TNNI3K: variants seen among roughly 807,000 people sequenced by gnomAD.
TNNI3K encodes the protein TNNI3 interacting kinase, also known as serine/threonine-protein kinase TNNI3K.
In TNNI3K, 140 loss-of-function variants were observed where a neutral mutation model predicts 114.5. That is an observed-to-expected ratio of 1.22 (90% CI 1.07 to 1.41). TNNI3K has a LOEUF of 1.41. TNNI3K is among the 40% of genes most tolerant of loss of function. The probability of loss-of-function intolerance (pLI) is 0.00; values close to 1 mark genes in which losing one functional copy is unlikely to be tolerated. For missense variants in TNNI3K, 1,125 were observed against 1,007.6 expected, an observed-to-expected ratio of 1.12 and a Z score of -1.58; for synonymous variants, 347 against 347.5, an observed-to-expected ratio of 1.00 and a Z score of 0.02.
intron 4 of TNNI3K, among the ~76,000 whole-genome samples, chr1:74,252,674 A>G (rs939539188): frequency 2.0e-5 from 3 of 151,158 alleles, no homozygotes; most frequent in Non-Finnish European, 4.4e-5. Context: ...GAAGCTGCAG[A>G]CCCTCGCAGT....
At chr1:74,403,681 G>A (rs947576000) in intron 17 of TNNI3K, among the ~76,000 whole-genome samples, 2 of 152,018 alleles carry the variant, frequency 1.3e-5, no homozygotes, top group Non-Finnish European at 2.9e-5. Flanking sequence ...ATTTGTATTT[G>A]GGGACACACC....
intron 11 of TNNI3K, among the ~76,000 whole-genome samples, chr1:74,363,145 A>T (rs1662060437): frequency 6.6e-6 from 1 of 152,052 alleles, no homozygotes; most frequent in Non-Finnish European, 1.5e-5. Flanking sequence ...TTGGCTTAAC[A>T]CGTCCATTTA....
At position 74,367,236 on chromosome 1, in the gene TNNI3K, C is replaced by T; in HGVS notation, c.1178-20C>T. 6.2e-7 allele frequency: 1 copy of T among 1,608,062 alleles called. No individual in the cohort carries two copies. The highest frequency in any genetic ancestry group is 8.5e-7 in the Non-Finnish European group (1 of 1,177,272). ...TAAACAAAATTTAGGACTCTTTGTT[C>T]TTTGTATCTTTTCATAAAGGGCATG... On this transcript the variant is annotated intron_variant, in intron 11 of 24. Coordinates refer to ENST00000326637, the MANE Select transcript of TNNI3K (RefSeq NM_015978.3).
At chr1:74,261,181 G>T (rs1035812835) in intron 4 of TNNI3K, among the ~76,000 whole-genome samples, 2 of 151,930 alleles carry the variant, frequency 1.3e-5, no homozygotes, top group Non-Finnish European at 1.5e-5. Flanking sequence ...TTCAGTTGAA[G>T]TGTCTATTCA....
intron 5 of TNNI3K, among the ~76,000 whole-genome samples, chr1:74,303,396 C>T (rs1658446214): frequency 6.6e-6 from 1 of 152,038 alleles, no homozygotes; most frequent in South Asian, 2.1e-4. Context: ...AACTCCTGAC[C>T]TCATGTGATC....
chr1:74,404,588 G>T (rs192627692), intron 17 of TNNI3K, among the ~76,000 whole-genome samples: 67 of 152,276 alleles, frequency 4.4e-4, no homozygotes, highest in Admixed American at 1.2e-3. Flanking sequence ...GATTCAGTAC[G>T]TATTAGTTGG....
At chr1:74,540,437 T>C (rs1646713061) in intron 24 of TNNI3K, 124 bp downstream of exon 24, 1 of 896,826 alleles carries the variant, frequency 1.1e-6, no homozygotes. Flanking sequence ...TTTAAAAATA[T>C]AAAAGTATAA....
chr1:74,424,896 A>G (rs1023509862), intron 17 of TNNI3K, among the ~76,000 whole-genome samples: 3 of 152,110 alleles, frequency 2.0e-5, no homozygotes, highest in African/African-American at 7.2e-5. Context: ...AATAGTTTTA[A>G]TCCACCTGGA....
intron 23 of TNNI3K, among the ~76,000 whole-genome samples, chr1:74,524,352 T>C (rs891786473): frequency 1.3e-5 from 2 of 152,186 alleles, no homozygotes; most frequent in Non-Finnish European, 2.9e-5. Flanking sequence ...GCCCATTAGA[T>C]AGCAAAGTGC....
chr1:74,368,888 A>G (rs749647901), intron 13 of TNNI3K, 134 bp from the exon 14 acceptor site: 12 of 776,648 alleles, frequency 1.5e-5, no homozygotes, highest in Non-Finnish European at 2.1e-5. Flanking sequence ...TAAGTAGTCA[A>G]TTACAGTTGG....
chr1:74,243,234 G>T (rs1654357416), intron 2 of TNNI3K, among the ~76,000 whole-genome samples: 1 of 152,078 alleles, frequency 6.6e-6, no homozygotes, highest in African/African-American at 2.4e-5. Flanking sequence ...GTATTAGTTT[G>T]CAGATTTTAT....
At chr1:74,307,053 G>C (rs938008816) in intron 5 of TNNI3K, among the ~76,000 whole-genome samples, 1 of 152,114 alleles carries the variant, frequency 6.6e-6, no homozygotes, top group Non-Finnish European at 1.5e-5. Context: ...AGAGGTAAAC[G>C]TCCAGTTTTA....
At chr1:74,423,113 G>T (rs1418599497) in intron 17 of TNNI3K, among the ~76,000 whole-genome samples, 1 of 151,746 alleles carries the variant, frequency 6.6e-6, no homozygotes, top group Non-Finnish European at 1.5e-5. Flanking sequence ...ATCCTTTCAC[G>T]CTTCAGCTTA....
chr1:74,338,585 AG>A (rs1660597259), intron 7 of TNNI3K, among the ~76,000 whole-genome samples: 1 of 152,012 alleles, frequency 6.6e-6, no homozygotes, highest in Non-Finnish European at 1.5e-5. Flanking sequence ...CATTTCCAAA[AG>A]GACATGGTTG....
In TNNI3K at chr1:74,316,916, G is replaced by A. The variant is rs187315049; in HGVS notation, c.445-14534G>A. On this transcript the variant is annotated intron_variant, in intron 5 of 24. Coordinates refer to ENST00000326637, the MANE Select transcript of TNNI3K (RefSeq NM_015978.3). Reference sequence around the variant, plus strand: ...GGGTTTCACCATGATAGCCGGAATTGTCTCGATCTCCTGACCTCGTGATCT... The same window carrying A: ...GGGTTTCACCATGATAGCCGGAATTATCTCGATCTCCTGACCTCGTGATCT... Among the ~76,000 whole-genome samples the A allele has an allele frequency of 8.0e-3, 1,200 of 150,310 alleles. 5 individuals carry two copies. Among genetic ancestry groups the A allele is most frequent in the Non-Finnish European group, 0.011 (720 of 67,666 alleles).
chr1:74,336,010 G>A lies in TNNI3K; in HGVS notation c.544-1G>A. ...TGATTTCAAATGAATAAATCCTTTA[G>A]GTAACTCGCCTTCTTTTGAAATTTG... On this transcript the variant is annotated splice_acceptor_variant, in intron 6 of 24. Transcript: ENST00000326637. LOFTEE classifies it high-confidence loss of function. 1 of 1,568,060 alleles carries A rather than the reference G, an allele frequency of 6.4e-7. No homozygotes were observed. The highest frequency in any genetic ancestry group is 8.6e-7 in the Non-Finnish European group (1 of 1,165,868).
At chr1:74,428,377 C>G (rs1045608335) in intron 17 of TNNI3K, among the ~76,000 whole-genome samples, 1 of 152,044 alleles carries the variant, frequency 6.6e-6, no homozygotes, top group Admixed American at 6.6e-5. Flanking sequence ...TATATGAAGT[C>G]AAACTAGGGT....
intron 5 of TNNI3K, among the ~76,000 whole-genome samples, chr1:74,307,646 T>C (rs1437451622): frequency 6.6e-6 from 1 of 152,118 alleles, no homozygotes; most frequent in Non-Finnish European, 1.5e-5. Flanking sequence ...GTAAAACAAT[T>C]ACTACTAGAC....
Position 74,369,546 on chromosome 1 carries a change from CAG to C in TNNI3K, c.1629_1630del (p.Gly545PhefsTer8), listed in dbSNP as rs748927643. The C allele has an allele frequency of 3.1e-6, 5 of 1,611,686 alleles. No homozygotes were observed. The African/African-American group carries it at 4.0e-5, about 13-fold the overall frequency. On this transcript the variant is annotated frameshift_variant, in exon 16 of 25. Transcript: ENST00000326637. LOFTEE classifies it high-confidence loss of function. ...TTTGCCATTGTCACTCAATACATAT[CAG>C]GGGGTTCTCTGTTCTCCCTCCTTCA...
Sources: gnomAD v4.1 joint callset for allele counts (sites outside exome capture counted in the v4.1 genomes callset) on GRCh38, gnomAD v4.1.1 for gene constraint, MANE v1.5 for transcripts, NCBI Gene and HGNC (gene_info 2026-07-23, HGNC 2026-07-21) for gene names.